Variants in RASA1 observed in about 807,000 individuals in gnomAD.
RASA1 encodes ras GTPase-activating protein 1.
In RASA1, 25 loss-of-function variants were observed where a neutral mutation model predicts 132.2. That is an observed-to-expected ratio of 0.19 (90% confidence interval 0.14 to 0.26). The LOEUF is 0.26. Among genes scored for constraint, RASA1 ranks in the 10% least tolerant of loss-of-function variants. The probability of loss-of-function intolerance (pLI) is 1.00; values close to 1 mark genes in which losing one functional copy is unlikely to be tolerated. For missense variants in RASA1, 964 were observed against 1,299.2 expected, an observed-to-expected ratio of 0.74 and a Z score of 3.97; for synonymous variants, 477 against 449.9, an observed-to-expected ratio of 1.06 and a Z score of -0.76.
intron 1 of RASA1, among the ~76,000 whole-genome samples, chr5:87,272,957 T>C (rs1345495431): frequency 6.6e-6 from 1 of 152,214 alleles, no homozygotes; most frequent in African/African-American, 2.4e-5. Flanking sequence ...TTGGACTAAA[T>C]ACTGACTATG....
At chr5:87,287,534 T>C (rs1177779177) in intron 1 of RASA1, among the ~76,000 whole-genome samples, 2 of 146,652 alleles carry the variant, frequency 1.4e-5, no homozygotes, top group Non-Finnish European at 3.0e-5. Flanking sequence ...ACCATATATA[T>C]ACCATATATA....
intron 23 of RASA1, 23 bp downstream of exon 23, chr5:87,386,926 CT>C: frequency 2.5e-6 from 4 of 1,584,546 alleles, no homozygotes; most frequent in Non-Finnish European, 2.6e-6. Context: ...TTTTCAGGTA[CT>C]TTTTTTAAGA....
chr5:87,340,916 C>T (rs1218030436), intron 5 of RASA1, among the ~76,000 whole-genome samples: 1 of 151,364 alleles, frequency 6.6e-6, no homozygotes, highest in Non-Finnish European at 1.5e-5. Flanking sequence ...CTGTGGTAAA[C>T]GACTTCAGTT....
chr5:87,352,551 A>ATT (rs529898652), intron 8 of RASA1, among the ~76,000 whole-genome samples: 1 of 151,726 alleles, frequency 6.6e-6, no homozygotes, highest in African/African-American at 2.4e-5. Flanking sequence ...ATGTCATTTT[A>ATT]TTTTTTTGTA....
At position 87,268,913 on chromosome 5, in the gene RASA1, C is replaced by G; in HGVS notation, c.462C>G (p.Asp154Glu). ...PPLGAGLGTVDEGDSLDGPEY... is the reference protein window; with the variant it reads ...PPLGAGLGTVEEGDSLDGPEY... Reference sequence around the variant, plus strand: ...TGGGGGCGGGCCTCGGGACAGTGGACGAAGGTGACTCTCTGGATGGACCAG... The same window carrying G: ...TGGGGGCGGGCCTCGGGACAGTGGAGGAAGGTGACTCTCTGGATGGACCAG... The change falls in exon 1 of 25, where the codon GAC becomes GAG. Residue 154 changes from aspartate (D) to glutamate (E), a missense_variant. Physicochemically the swap from Asp to Glu is conservative, Grantham distance 45 (BLOSUM62 2). This residue lies in a region of RASA1 where 326 missense variants were observed against 275.8 expected (regional missense o/e 1.18). Coordinates refer to ENST00000274376, the MANE Select transcript of RASA1 (RefSeq NM_002890.3). 6.2e-7 allele frequency: 1 copy of G among 1,614,142 alleles called. No individual in the cohort carries two copies. Among genetic ancestry groups the G allele is most frequent in the South Asian group, 1.1e-5 (1 of 91,072 alleles).
Position 87,274,301 on chromosome 5 carries a change from T to A in RASA1, c.539+5311T>A, listed in dbSNP as rs77316050. Among the ~76,000 whole-genome samples, 45 of 152,274 alleles carry A rather than the reference T, an allele frequency of 3.0e-4. No individual in the cohort carries two copies. In the East Asian group the frequency reaches 4.8e-3, roughly 16 times the overall value. ...GAATGTAAATAGTACCTTTCTTTTT[T>A]AAAAAAATCATTTTACTGTCTCTAC... On this transcript the variant is annotated intron_variant, in intron 1 of 24. Coordinates refer to ENST00000274376, the MANE Select transcript of RASA1 (RefSeq NM_002890.3).
chr5:87,271,495 G>A (rs1401006563), intron 1 of RASA1, among the ~76,000 whole-genome samples: 2 of 100,978 alleles, frequency 2.0e-5, no homozygotes, highest in Admixed American at 2.7e-4. Flanking sequence ...GAGAGATGGA[G>A]TTTCGCTGTT....
chr5:87,287,496 ACACCATATATATACC>A (rs1460780557), intron 1 of RASA1, among the ~76,000 whole-genome samples: 4 of 137,170 alleles, frequency 2.9e-5, no homozygotes, highest in South Asian at 2.1e-4. Context: ...CCATATATAT[ACACCATATATATACC>A]CACCATATAT....
intron 4 of RASA1, among the ~76,000 whole-genome samples, chr5:87,337,237 C>G (rs745927893): frequency 1.2e-4 from 18 of 152,066 alleles, no homozygotes; most frequent in Non-Finnish European, 2.1e-4. Context: ...CTTGTTGTTT[C>G]CATAATTGTG....
At chr5:87,315,494 T>G (rs551629020) in intron 1 of RASA1, among the ~76,000 whole-genome samples, 7 of 152,320 alleles carry the variant, frequency 4.6e-5, no homozygotes, top group African/African-American at 1.7e-4. Flanking sequence ...TGTATGAATT[T>G]GGGGATTAAG....
At chr5:87,288,808 T>C (rs1754791517) in intron 1 of RASA1, among the ~76,000 whole-genome samples, 1 of 152,200 alleles carries the variant, frequency 6.6e-6, no homozygotes, top group Non-Finnish European at 1.5e-5. Context: ...ACTTTATATT[T>C]TGTCACATTT....
intron 1 of RASA1, among the ~76,000 whole-genome samples, chr5:87,287,494 A>G (rs1185776272): frequency 7.2e-6 from 1 of 138,672 alleles, no homozygotes; most frequent in Non-Finnish European, 1.5e-5. Flanking sequence ...CACCATATAT[A>G]TACACCATAT....
chr5:87,361,786 A>G (rs1760113964), intron 9 of RASA1, among the ~76,000 whole-genome samples: 1 of 152,174 alleles, frequency 6.6e-6, no homozygotes, highest in Admixed American at 6.5e-5. Flanking sequence ...ACACTTAGAA[A>G]TTTCATCAGG....
chr5:87,367,423 A>G (rs1202716660), intron 11 of RASA1, among the ~76,000 whole-genome samples: 5 of 152,214 alleles, frequency 3.3e-5, no homozygotes, highest in African/African-American at 9.6e-5. Flanking sequence ...CTAATGTGAA[A>G]GTTAACAGCC....
At chr5:87,351,434 A>G (rs939263918) in intron 8 of RASA1, among the ~76,000 whole-genome samples, 27 of 151,730 alleles carry the variant, frequency 1.8e-4, no homozygotes, top group African/African-American at 4.3e-4. Context: ...AAGGAAGACA[A>G]TGGATTTTGG....
intron 13 of RASA1, 115 bp from the exon 14 acceptor site, chr5:87,374,048 A>C: frequency 1.1e-6 from 1 of 941,254 alleles, no homozygotes; most frequent in Middle Eastern, 4.2e-4. Context: ...TCTGAAAAAA[A>C]AGGGGAAAAT....
intron 17 of RASA1, 52 bp downstream of exon 17, chr5:87,377,092 A>G (rs762714150): frequency 2.6e-6 from 4 of 1,544,554 alleles, no homozygotes; most frequent in East Asian, 4.5e-5. Context: ...TAGATTTTAT[A>G]TCAAGGATAT....
At chr5:87,283,013 G>T (rs904232714) in intron 1 of RASA1, among the ~76,000 whole-genome samples, 1 of 151,924 alleles carries the variant, frequency 6.6e-6, no homozygotes, top group Non-Finnish European at 1.5e-5. Flanking sequence ...TTTAAAGTAT[G>T]CAGTAAATTA....
At chr5:87,283,135 G>GTTT (rs150142048) in intron 1 of RASA1, among the ~76,000 whole-genome samples, 13 of 99,836 alleles carry the variant, frequency 1.3e-4, no homozygotes, top group Non-Finnish European at 1.6e-4. Flanking sequence ...AGTAAGTTTT[G>GTTT]TTTTTTTTTT....
Sources: allele counts gnomAD v4.1 joint callset (sites outside exome capture counted in the v4.1 genomes callset), GRCh38; gene constraint gnomAD v4.1.1; regional missense constraint gnomAD v4.1.1; transcripts MANE v1.5; gene names NCBI Gene and HGNC (gene_info 2026-07-23, HGNC 2026-07-21).